The following MAP3K19 variants were observed in gnomAD, a reference collection of about 807,000 sequenced individuals.
The protein encoded by MAP3K19 is mitogen-activated protein kinase kinase kinase 19.
MAP3K19 carries 91 observed loss-of-function variants against 114.4 expected under a neutral mutation model. The observed-to-expected ratio is 0.80, with a 90% CI of 0.67 to 0.95. MAP3K19 has a LOEUF of 0.95. Among genes scored for constraint, MAP3K19 ranks in the 40% least tolerant of loss-of-function variants. The pLI is 0.00. For missense variants in MAP3K19, 1,471 were observed against 1,573.2 expected, an observed-to-expected ratio of 0.94 and a Z score of 1.10; for synonymous variants, 518 against 530.5, an observed-to-expected ratio of 0.98 and a Z score of 0.32.
chr2:134,982,427 C>T (rs1352308307), intron 11 of MAP3K19, among the ~76,000 whole-genome samples: 9 of 150,170 alleles, frequency 6.0e-5, no homozygotes, highest in South Asian at 4.2e-4. Flanking sequence ...TCTGGGCTCA[C>T]TGCAACCTCT....
intron 12 of MAP3K19, among the ~76,000 whole-genome samples, chr2:134,975,536 TC>T (rs751061641): frequency 3.4e-4 from 52 of 151,892 alleles, no homozygotes; most frequent in Non-Finnish European, 6.2e-4. Flanking sequence ...GGTGGGGTGA[TC>T]CCCAGGGCCC....
chr2:134,986,725 A>G lies in MAP3K19; in HGVS notation c.2147T>C (p.Leu716Pro). The change falls in exon 10 of 13, where the codon CTT becomes CCT. Residue 716 changes from leucine to proline, a missense_variant. By Grantham distance (98) the Leu-to-Pro change is moderately conservative (BLOSUM62 -3). Coordinates refer to ENST00000392915, the MANE Select transcript of MAP3K19 (RefSeq NM_025052.5). The stretch of plus-strand genomic sequence containing the variant: ...TTTCATATGTGTTTTTTTCTGAGAA[A>G]GTCTTGTTCTGATATTGCTCTTCCT... ...SERKSNIRTRLSQKKTHMKCP... is the reference protein window; with the variant it reads ...SERKSNIRTRPSQKKTHMKCP... 6.2e-7 allele frequency: 1 copy of G among 1,614,108 alleles called. No homozygotes were observed. The highest frequency in any genetic ancestry group is 1.1e-5 in the South Asian group (1 of 91,058).
chr2:134,975,740 A>AGCC (rs1328585930), intron 12 of MAP3K19, among the ~76,000 whole-genome samples: 6 of 152,138 alleles, frequency 3.9e-5, no homozygotes, highest in Non-Finnish European at 7.4e-5. Context: ...CAGCAGCTGC[A>AGCC]GCCAAGAAAG....
intron 5 of MAP3K19, among the ~76,000 whole-genome samples, chr2:135,013,202 C>T (rs563721384): frequency 4.0e-5 from 6 of 151,814 alleles, no homozygotes; most frequent in Non-Finnish European, 7.4e-5. Context: ...TGCCTGTAAC[C>T]CCAGTTACTC....
chr2:135,005,541 C>G lies in MAP3K19; in HGVS notation c.139-10G>C. 3.7e-6 allele frequency: 6 copies of G among 1,605,758 alleles called. No homozygotes were observed. The highest frequency in any genetic ancestry group is 5.1e-6 in the Non-Finnish European group (6 of 1,172,656). Reference sequence around the variant, plus strand: ...CATCTTGGTCGAACTCCTGCAATATCATAAAATTCAAAACTCAGTTATTAG... The same window carrying G: ...CATCTTGGTCGAACTCCTGCAATATGATAAAATTCAAAACTCAGTTATTAG... On this transcript the variant is annotated splice_polypyrimidine_tract_variant and intron_variant, in intron 5 of 12. Coordinates refer to ENST00000392915, the MANE Select transcript of MAP3K19 (RefSeq NM_025052.5).
chr2:135,042,818 A>AC (rs1487963724), intron 1 of MAP3K19, among the ~76,000 whole-genome samples: 1 of 152,162 alleles, frequency 6.6e-6, no homozygotes, highest in Non-Finnish European at 1.5e-5. Flanking sequence ...ATGGTGGCTC[A>AC]CGCCTGTAAT....
At chr2:134,992,969 G>A (rs1437494233) in intron 8 of MAP3K19, among the ~76,000 whole-genome samples, 3 of 152,118 alleles carry the variant, frequency 2.0e-5, no homozygotes, top group Non-Finnish European at 2.9e-5. Context: ...GTGAGCCACC[G>A]CGCCCAACCC....
chr2:135,023,879 C>T (rs529007948), intron 4 of MAP3K19, among the ~76,000 whole-genome samples: 3 of 151,788 alleles, frequency 2.0e-5, no homozygotes, highest in African/African-American at 4.9e-5. Flanking sequence ...GCTTAAAATT[C>T]TTTAGTGTCT....
chr2:135,008,748 T>C (rs1294716072), intron 5 of MAP3K19, among the ~76,000 whole-genome samples: 1 of 152,088 alleles, frequency 6.6e-6, no homozygotes, highest in African/African-American at 2.4e-5. Flanking sequence ...TAATTATTAT[T>C]GTTTTCCCTT....
At chr2:134,992,455 C>T (rs954671444) in intron 8 of MAP3K19, among the ~76,000 whole-genome samples, 2 of 152,166 alleles carry the variant, frequency 1.3e-5, no homozygotes, top group Non-Finnish European at 2.9e-5. Context: ...ACCACTTCTG[C>T]ATAGTTTGGA....
At chr2:135,020,120 C>A (rs981939558) in intron 5 of MAP3K19, among the ~76,000 whole-genome samples, 2 of 152,068 alleles carry the variant, frequency 1.3e-5, no homozygotes, top group Admixed American at 1.3e-4. Flanking sequence ...CTGGTTCAAG[C>A]GATCCTCCTG....
intron 3 of MAP3K19, among the ~76,000 whole-genome samples, chr2:135,025,155 A>G (rs1012387227): frequency 2.6e-5 from 4 of 151,894 alleles, no homozygotes; most frequent in African/African-American, 9.7e-5. Flanking sequence ...CAAATAGCTC[A>G]CTTGATTTTT....
chr2:135,033,467 C>CCCT (rs1688442132), intron 2 of MAP3K19, among the ~76,000 whole-genome samples: 2 of 105,566 alleles, frequency 1.9e-5, no homozygotes, highest in South Asian at 3.8e-4. Flanking sequence ...GCCCCCCACC[C>CCCT]CCCGGACGGG....
In MAP3K19 at chr2:135,033,480, G is replaced by A. The variant is rs1446299394; in HGVS notation, c.-283-2980C>T. On this transcript the variant is annotated intron_variant, in intron 2 of 12. Coordinates refer to ENST00000392915, the MANE Select transcript of MAP3K19 (RefSeq NM_025052.5). ...GCGCCCCCCACCCCCCGGACGGGGC[G>A]GCTGGCCGGGCAGAGGGGCTCCTCA... is the stretch of plus-strand genomic sequence containing the variant. Among the ~76,000 whole-genome samples, 8 of 118,064 alleles carry A rather than the reference G, an allele frequency of 6.8e-5. 1 individual carries two copies. The highest frequency in any genetic ancestry group is 5.5e-4 in the East Asian group (2 of 3,648). 77.5% of individuals were successfully genotyped at this position (118,064 alleles called of 152,430 possible).
At chr2:134,965,832 T>A (rs1177137363) in intron 12 of MAP3K19, among the ~76,000 whole-genome samples, 4 of 152,164 alleles carry the variant, frequency 2.6e-5, no homozygotes, top group African/African-American at 9.7e-5. Flanking sequence ...ACTTACTCCT[T>A]CTATCTAATT....
chr2:135,039,483 T>G (rs1688604937), intron 2 of MAP3K19, among the ~76,000 whole-genome samples: 1 of 151,854 alleles, frequency 6.6e-6, no homozygotes, highest in African/African-American at 2.4e-5. Context: ...CTTGGGAGAC[T>G]GAGTTTGGAG....
chr2:135,006,906 G>T (rs566203764), intron 5 of MAP3K19, among the ~76,000 whole-genome samples: 127 of 152,138 alleles, frequency 8.3e-4, no homozygotes, highest in African/African-American at 2.6e-3. Flanking sequence ...GGCCAGGCAT[G>T]GTGAGTCACA....
intron 5 of MAP3K19, among the ~76,000 whole-genome samples, chr2:135,010,686 A>T (rs557812491): frequency 4.6e-5 from 7 of 152,314 alleles, no homozygotes; most frequent in African/African-American, 1.7e-4. Flanking sequence ...GGAATGCAGC[A>T]GCACAATTAT....
At position 134,983,712 on chromosome 2, in the gene MAP3K19, G is replaced by T; in HGVS notation, c.3186C>A (p.Thr1062=). The T allele has an allele frequency of 1.1e-5, 17 of 1,586,574 alleles. No homozygotes were observed. The highest frequency in any genetic ancestry group is 1.4e-5 in the Non-Finnish European group (16 of 1,171,804). ...CTCCCTTTCCAAGAATCTCACCCTT[G>T]GTCCATAGGATAGGTTCTTCAGACT... ...SLKSEEPILW[T]KGEILGKGAY... The change falls in exon 11 of 13, where the codon ACC becomes ACA. Residue 1062 remains threonine, a synonymous_variant. Transcript: ENST00000392915.
Sources: gnomAD v4.1 joint callset for allele counts (sites outside exome capture counted in the v4.1 genomes callset) on GRCh38, gnomAD v4.1.1 for gene constraint, MANE v1.5 for transcripts, NCBI Gene and HGNC (gene_info 2026-07-23, HGNC 2026-07-21) for gene names.